Variants in RBFOX2 observed in about 807,000 individuals in gnomAD.
RBFOX2 encodes RNA binding protein fox-1 homolog 2.
RBFOX2 carries 10 observed loss-of-function variants against 49.1 expected under a neutral mutation model. The ratio of observed to expected loss-of-function variants is 0.20; its 90% CI spans 0.13 to 0.35. RBFOX2 has a LOEUF of 0.35. Among genes scored for constraint, RBFOX2 ranks in the 10% least tolerant of loss-of-function variants. The pLI is 1.00. For synonymous variants in RBFOX2, 183 were observed against 187.4 expected (o/e 0.98, Z 0.19); for missense variants, 323 against 486.9 (o/e 0.66, Z 3.17).
At chr22:35,765,921 G>T (rs545964914) in intron 5 of RBFOX2, among the ~76,000 whole-genome samples, 54 of 152,260 alleles carry the variant, frequency 3.5e-4, no homozygotes, top group African/African-American at 1.2e-3. Context: ...CTGTCCTAAT[G>T]TTCAGCATTT....
At chr22:35,757,079 T>C (rs759750180) in intron 9 of RBFOX2, among the ~76,000 whole-genome samples, 1 of 152,048 alleles carries the variant, frequency 6.6e-6, no homozygotes, top group African/African-American at 2.4e-5. Flanking sequence ...AAAAATACAA[T>C]TGATAACTGA....
chr22:35,902,157 G>A (rs189052533), intron 1 of RBFOX2, among the ~76,000 whole-genome samples: 56 of 152,072 alleles, frequency 3.7e-4, no homozygotes, highest in African/African-American at 1.3e-3. Flanking sequence ...TACTCTCAAA[G>A]AACTTCCCTT....
chr22:35,758,000 T>C (rs897761444), intron 9 of RBFOX2, among the ~76,000 whole-genome samples: 1 of 152,208 alleles, frequency 6.6e-6, no homozygotes, highest in African/African-American at 2.4e-5. Context: ...AATATTCATC[T>C]ACGTTCTAGA....
intron 1 of RBFOX2, among the ~76,000 whole-genome samples, chr22:35,867,955 A>C (rs2043879348): frequency 6.6e-6 from 1 of 152,196 alleles, no homozygotes; most frequent in Non-Finnish European, 1.5e-5. Flanking sequence ...TCACACTTGT[A>C]ATCTCAGCAC....
chr22:35,783,581 G>C (rs1157032700), intron 2 of RBFOX2, among the ~76,000 whole-genome samples: 1 of 152,056 alleles, frequency 6.6e-6, no homozygotes, highest in Non-Finnish European at 1.5e-5. Context: ...CACTAGAATG[G>C]TCATTGAACA....
intron 1 of RBFOX2, chr22:35,897,700 G>T: frequency 9.9e-7 from 1 of 1,015,218 alleles, no homozygotes; most frequent in Non-Finnish European, 1.6e-6. Flanking sequence ...TTGTTTAACT[G>T]CCTTCCAGCC....
At chr22:35,898,103 C>G in intron 1 of RBFOX2, 1 of 740,166 alleles carries the variant, frequency 1.4e-6, no homozygotes, top group Non-Finnish European at 2.5e-6. Flanking sequence ...AGAAGCTAGC[C>G]CAGGTCTCCC....
intron 2 of RBFOX2, among the ~76,000 whole-genome samples, chr22:35,784,819 C>A (rs1363028452): frequency 3.9e-5 from 6 of 152,034 alleles, no homozygotes; most frequent in African/African-American, 1.4e-4. Context: ...GCCCGGGGGC[C>A]GCGACCACCG....
intron 1 of RBFOX2, among the ~76,000 whole-genome samples, chr22:35,988,657 G>A (rs1166096866): frequency 1.3e-5 from 2 of 152,148 alleles, no homozygotes; most frequent in Non-Finnish European, 2.9e-5. Flanking sequence ...GTCAAGGGGT[G>A]GGAGATGAGG....
intron 1 of RBFOX2, among the ~76,000 whole-genome samples, chr22:35,987,550 A>G (rs1569519209): frequency 6.6e-6 from 1 of 152,248 alleles, no homozygotes; most frequent in Non-Finnish European, 1.5e-5. Context: ...ACTAAAATTG[A>G]ATAGTAATTA....
At chr22:35,988,638 C>A (rs1257931505) in intron 1 of RBFOX2, among the ~76,000 whole-genome samples, 1 of 152,076 alleles carries the variant, frequency 6.6e-6, no homozygotes, top group African/African-American at 2.4e-5. Flanking sequence ...ATGGTATATG[C>A]ATGAGCGGGT....
At chr22:35,860,298 G>A (rs928974594) in intron 1 of RBFOX2, among the ~76,000 whole-genome samples, 5 of 152,230 alleles carry the variant, frequency 3.3e-5, no homozygotes, top group African/African-American at 7.2e-5. Context: ...TGTGAAGGAC[G>A]AGAGCAAGTG....
chr22:35,818,421 CTAAAT>C (rs1290114926), intron 1 of RBFOX2, among the ~76,000 whole-genome samples: 1 of 152,198 alleles, frequency 6.6e-6, no homozygotes, highest in South Asian at 2.1e-4. Flanking sequence ...TCACTACAAT[CTAAAT>C]TAATTTATTA....
At chr22:35,931,955 A>C (rs1336063125) in intron 1 of RBFOX2, among the ~76,000 whole-genome samples, 1 of 152,224 alleles carries the variant, frequency 6.6e-6, no homozygotes, top group African/African-American at 2.4e-5. Context: ...AAAATATCAC[A>C]GTACTTAGAA....
In RBFOX2 at chr22:35,898,631, T is replaced by C. The variant is rs891418731; in HGVS notation, c.-34+40216A>G. On this transcript the variant is annotated intron_variant, in intron 1 of 13. Coordinates refer to the RBFOX2 transcript ENST00000359369. ...TTGGTAGAAACGGGGTTTCACTATG[T>C]TGCCCAGGTTGGTCTTGAACTCCTG... Among the ~76,000 whole-genome samples the C allele has an allele frequency of 3.3e-5, 5 of 151,992 alleles. 1 individual carries two copies. The South Asian group carries it at 1.0e-3, about 32-fold the overall frequency.
Position 35,897,508 on chromosome 22 carries a change from C to G in RBFOX2, c.-34+41339G>C. ...AAGTCTCTTGCTACCCACTGATAGG[C>G]AAAAGGTGGCAAGGGGTACGGGAGG... On this transcript the variant is annotated intron_variant, in intron 1 of 13. Transcript: ENST00000359369. 3.7e-6 allele frequency: 3 copies of G among 818,216 alleles called. No homozygotes were observed. The East Asian group carries it at 7.3e-5, about 20-fold the overall frequency. 50.7% of individuals were successfully genotyped at this position (818,216 alleles called of 1,614,324 possible).
chr22:35,906,184 G>GTT (rs755465982), intron 1 of RBFOX2, among the ~76,000 whole-genome samples: 6 of 152,116 alleles, frequency 3.9e-5, no homozygotes, highest in Non-Finnish European at 8.8e-5. Context: ...AAAACCAGTG[G>GTT]TTTTTTAAAT....
intron 2 of RBFOX2, among the ~76,000 whole-genome samples, chr22:35,793,371 CT>C (rs1324600635): frequency 6.6e-6 from 1 of 152,138 alleles, no homozygotes; most frequent in Non-Finnish European, 1.5e-5. Flanking sequence ...GAAACTCTGT[CT>C]CAAAAATAAA....
intron 1 of RBFOX2, among the ~76,000 whole-genome samples, chr22:35,908,029 CAAAG>C (rs2049317841): frequency 6.6e-6 from 1 of 152,030 alleles, no homozygotes; most frequent in Non-Finnish European, 1.5e-5. Flanking sequence ...CAGAGACTGT[CAAAG>C]AATCTTGAAA....
Sources: allele counts gnomAD v4.1 joint callset (sites outside exome capture counted in the v4.1 genomes callset), GRCh38; gene constraint gnomAD v4.1.1; transcripts MANE v1.5; gene names NCBI Gene and HGNC (gene_info 2026-07-23, HGNC 2026-07-21).